The following MON2 variants were observed in gnomAD, a reference collection of about 807,000 sequenced individuals.
MON2 encodes MON2 regulator of endosome-to-Golgi trafficking.
A neutral mutation model predicts 208.6 loss-of-function variants in MON2; 84 were observed. The ratio of observed to expected loss-of-function variants is 0.40; its 90% CI spans 0.34 to 0.48. MON2 has a LOEUF of 0.48. Ranked by LOEUF, MON2 falls within the 20% of genes least tolerant of loss-of-function variation. MON2 has a pLI of 0.59. For synonymous variants in MON2, 660 were observed against 694.0 expected (o/e 0.95, Z 0.77); for missense variants, 1,611 against 2,015.4 (o/e 0.80, Z 3.84).
intron 7 of MON2, among the ~76,000 whole-genome samples, chr12:62,503,698 A>G (rs192233905): frequency 9.2e-5 from 14 of 152,262 alleles, no homozygotes; most frequent in Non-Finnish European, 1.9e-4. Context: ...CCCTTTGGCC[A>G]CACTGTCCTT....
chr12:62,495,622 A>G (rs10877863), intron 4 of MON2, among the ~76,000 whole-genome samples: 55,540 of 147,182 alleles, frequency 0.38, 10,471 homozygotes, highest in African/African-American at 0.42. Context: ...CTCAGGAGGC[A>G]GAGCTTGCAG....
At chr12:62,524,975 T>G in intron 9 of MON2, 109 bp from the exon 10 acceptor site, 1 of 949,194 alleles carries the variant, frequency 1.1e-6, no homozygotes, top group Non-Finnish European at 1.5e-6. Flanking sequence ...TGAAGAATGT[T>G]TTAGTATAGT....
intron 11 of MON2, among the ~76,000 whole-genome samples, chr12:62,530,114 C>T (rs540496962): frequency 6.6e-6 from 1 of 152,126 alleles, no homozygotes; most frequent in African/African-American, 2.4e-5. Flanking sequence ...ATTTTTGTAC[C>T]TATTAATCAA....
In MON2 at chr12:62,467,159, C is replaced by T. The variant is rs1367750966; in HGVS notation, c.-49C>T. On this transcript the variant is annotated 5_prime_UTR_variant, in exon 1 of 35. Coordinates refer to ENST00000393630, the MANE Select transcript of MON2 (RefSeq NM_015026.3). ...CTGTGGCCCTAAGGAGCTGACCGTG[C>T]CAGAGCTTGTTTGTACCTCTCGGAA... The T allele has an allele frequency of 6.6e-7, 1 of 1,526,384 alleles. No individual in the cohort carries two copies. Among genetic ancestry groups the T allele is most frequent in the East Asian group, 2.3e-5 (1 of 44,400 alleles). 94.6% of individuals were successfully genotyped at this position (1,526,384 alleles called of 1,614,324 possible).
intron 8 of MON2, among the ~76,000 whole-genome samples, chr12:62,511,992 AC>A (rs35759179): frequency 1.3e-5 from 2 of 151,034 alleles, no homozygotes; most frequent in African/African-American, 4.9e-5. Flanking sequence ...ATGCAGGGAA[AC>A]CCCCCTTTTA....
intron 8 of MON2, among the ~76,000 whole-genome samples, chr12:62,516,618 C>T (rs1392303687): frequency 2.0e-5 from 3 of 152,090 alleles, no homozygotes; most frequent in African/African-American, 2.4e-5. Flanking sequence ...GCAGGAGAAT[C>T]GCTTGAACCC....
chr12:62,588,716 T>C (rs754818240), intron 34 of MON2: 50 of 487,524 alleles, frequency 1.0e-4, no homozygotes, highest in Non-Finnish European at 1.7e-4. Flanking sequence ...TCCTACCAAA[T>C]TGCAAAGAAT....
At chr12:62,523,187 T>G (rs2072151536) in intron 8 of MON2, among the ~76,000 whole-genome samples, 5 of 152,196 alleles carry the variant, frequency 3.3e-5, no homozygotes, top group Admixed American at 3.3e-4. Flanking sequence ...AGCATGGGTC[T>G]TTCTTTCTCA....
intron 2 of MON2, among the ~76,000 whole-genome samples, chr12:62,486,587 T>TTA (rs752756267): frequency 4.9e-4 from 75 of 152,248 alleles, no homozygotes; most frequent in South Asian, 2.9e-3. Flanking sequence ...AGTTGTAGAT[T>TTA]TATAGACCAC....
At chr12:62,504,986 C>T (rs2071027623) in intron 7 of MON2, among the ~76,000 whole-genome samples, 1 of 152,134 alleles carries the variant, frequency 6.6e-6, no homozygotes, top group Non-Finnish European at 1.5e-5. Flanking sequence ...ATAGAGAGAA[C>T]AGGAAAAGAA....
chr12:62,539,522 C>T (rs1592339610), intron 19 of MON2, among the ~76,000 whole-genome samples: 1 of 152,078 alleles, frequency 6.6e-6, no homozygotes, highest in East Asian at 2.0e-4. Flanking sequence ...CCGCCTCAGC[C>T]TCCCAAAGTG....
chr12:62,480,728 T>TA (rs1171483012), intron 1 of MON2, among the ~76,000 whole-genome samples: 4 of 152,254 alleles, frequency 2.6e-5, no homozygotes, highest in Admixed American at 2.6e-4. Flanking sequence ...TCTAGCACGC[T>TA]ACAGGATGGA....
chr12:62,474,119 C>CTTTT (rs778065734), intron 1 of MON2, among the ~76,000 whole-genome samples: 1 of 141,838 alleles, frequency 7.1e-6, no homozygotes. Context: ...CTTTTCTTTT[C>CTTTT]TTTTTTTTTT....
chr12:62,499,439 C>A (rs1490119519), intron 5 of MON2, among the ~76,000 whole-genome samples: 1 of 152,060 alleles, frequency 6.6e-6, no homozygotes, highest in Non-Finnish European at 1.5e-5. Context: ...GCATTCTGTT[C>A]AGTGTTTTAT....
rs1262652119 is a variant in MON2 at position 62,593,383 on chromosome 12, C to T, written c.*634C>T. On this transcript the variant is annotated 3_prime_UTR_variant, in exon 35 of 35. Coordinates refer to ENST00000393630, the MANE Select transcript of MON2 (RefSeq NM_015026.3). ...TGCTTACATTTTTACTTATAATTTG[C>T]CTTCATATGTGGCGGATAAGCTCAC... 1 of 152,332 alleles carries T rather than the reference C, an allele frequency of 6.6e-6. No individual in the cohort carries two copies. Among genetic ancestry groups the T allele is most frequent in the Non-Finnish European group, 1.5e-5 (1 of 67,954 alleles). The allele number at this position is 152,332 out of a possible 1,614,324, so 9.4% of individuals were successfully genotyped here.
chr12:62,501,515 G>C (rs2070831555), intron 6 of MON2, 58 bp from the exon 7 acceptor site: 1 of 1,579,996 alleles, frequency 6.3e-7, no homozygotes, highest in South Asian at 1.1e-5. Flanking sequence ...TATGAACTGC[G>C]AGTTTGGAAA....
Position 62,467,120 on chromosome 12 carries a change from C to A in MON2, c.-88C>A. On this transcript the variant is annotated 5_prime_UTR_variant, in exon 1 of 35. Coordinates refer to ENST00000393630, the MANE Select transcript of MON2 (RefSeq NM_015026.3). ...CGGGCTGCTGAAGGACCAGAGACACCGGGAGGGAGCTGCCTGTGGCCCTAA... is the reference window on the plus strand; with the variant it reads ...CGGGCTGCTGAAGGACCAGAGACACAGGGAGGGAGCTGCCTGTGGCCCTAA... 1.9e-6 allele frequency: 2 copies of A among 1,073,550 alleles called. No individual in the cohort carries two copies. Among genetic ancestry groups the A allele is most frequent in the Non-Finnish European group, 1.4e-6 (1 of 722,884 alleles). 66.5% of individuals were successfully genotyped at this position (1,073,550 alleles called of 1,614,324 possible).
chr12:62,567,475 C>G (rs1020288297), intron 29 of MON2, among the ~76,000 whole-genome samples: 5 of 152,170 alleles, frequency 3.3e-5, no homozygotes, highest in African/African-American at 1.2e-4. Flanking sequence ...CCATATTGCT[C>G]CACAGAAACT....
In MON2 at chr12:62,597,354, TTG is replaced by T; in HGVS notation, c.*4608_*4609del. On this transcript the variant is annotated 3_prime_UTR_variant, in exon 35 of 35. Coordinates refer to ENST00000393630, the MANE Select transcript of MON2 (RefSeq NM_015026.3). The stretch of plus-strand genomic sequence containing the variant: ...TCTTCTCTTTCAGCTCTTTCTCTAA[TTG>T]TGCCTATTCCTTGTTCATAAGAAGT... 6.6e-6 allele frequency: 1 copy of T among 152,318 alleles called. No homozygotes were observed. Among genetic ancestry groups the T allele is most frequent in the East Asian group, 1.9e-4 (1 of 5,184 alleles). The allele number at this position is 152,318 out of a possible 1,614,324, so 9.4% of individuals were successfully genotyped here.
Sources: allele counts gnomAD v4.1 joint callset (sites outside exome capture counted in the v4.1 genomes callset), GRCh38; gene constraint gnomAD v4.1.1; transcripts MANE v1.5; gene names NCBI Gene and HGNC (gene_info 2026-07-23, HGNC 2026-07-21).